The following KDM2B variants were observed in gnomAD, a reference collection of about 807,000 sequenced individuals.
KDM2B encodes the protein lysine demethylase 2B.
In KDM2B, 26 loss-of-function variants were observed where a neutral mutation model predicts 150.0. That is an observed-to-expected ratio of 0.17 (90% CI 0.13 to 0.24). The LOEUF (loss-of-function observed/expected upper bound fraction) is 0.24. KDM2B is among the 10% of genes least tolerant of loss of function. The pLI is 1.00. For missense variants in KDM2B, 1,265 were observed against 1,816.9 expected (o/e 0.70, Z 5.52); for synonymous variants, 734 against 729.5 (o/e 1.01, Z -0.10).
intron 4 of KDM2B, among the ~76,000 whole-genome samples, chr12:121,568,670 C>G (rs1319237197): frequency 1.3e-5 from 2 of 152,136 alleles, no homozygotes; most frequent in Non-Finnish European, 2.9e-5. Context: ...GTCAGGTTCA[C>G]TAGCAGTGGA....
chr12:121,580,900 C>T lies in KDM2B; in HGVS notation c.12G>A (p.Pro4=), dbSNP rs1891929254. MAG[P]QMGGSAEDHP... ...GATCCTCTGCAGATCCCCCCATTTG[C>T]GGACCCGCCATGTGGAGGAGGCATT... Residue 4 remains proline (P), a synonymous_variant, in exon 1 of 23, where the codon CCG becomes CCA. Coordinates refer to ENST00000377071, the MANE Select transcript of KDM2B (RefSeq NM_032590.5). 1 of 1,613,510 alleles carries T rather than the reference C, an allele frequency of 6.2e-7. No homozygotes were observed. Among genetic ancestry groups the T allele is most frequent in the East Asian group, 2.2e-5 (1 of 44,860 alleles).
intron 11 of KDM2B, among the ~76,000 whole-genome samples, chr12:121,498,531 A>T (rs1884202865): frequency 6.6e-6 from 1 of 152,240 alleles, no homozygotes; most frequent in Non-Finnish European, 1.5e-5. Flanking sequence ...CTAAAACTTT[A>T]AAAAACCCAC....
In KDM2B at chr12:121,537,974, T is replaced by G. The variant is rs1206549049; in HGVS notation, c.684-3384A>C. Among the ~76,000 whole-genome samples the G allele has an allele frequency of 6.6e-6, 1 of 150,500 alleles. No homozygotes were observed. The highest frequency in any genetic ancestry group is 2.4e-5 in the African/African-American group (1 of 41,230). ...TCGGCTCCCGGGCGTCCCCTTCGGC[T>G]GCGGAGGCTCGACGCGCGCCCGGCC... is the stretch of plus-strand genomic sequence containing the variant. On this transcript the variant is annotated intron_variant, in intron 6 of 22. Coordinates refer to ENST00000377071, the MANE Select transcript of KDM2B (RefSeq NM_032590.5). The surrounding 1 kb of genome is among the most constrained non-coding windows in gnomAD (Gnocchi z 8.7).
intron 22 of KDM2B, among the ~76,000 whole-genome samples, chr12:121,431,548 C>T (rs1316594290): frequency 2.6e-5 from 4 of 152,044 alleles, no homozygotes; most frequent in Non-Finnish European, 5.9e-5. Flanking sequence ...AAGGGCAAAC[C>T]GCAATCATGC....
intron 12 of KDM2B, among the ~76,000 whole-genome samples, chr12:121,489,468 C>G (rs2140247621): frequency 6.6e-6 from 1 of 152,026 alleles, no homozygotes; most frequent in South Asian, 2.1e-4. Context: ...GAGACCAAGA[C>G]TCACTCTGTC....
chr12:121,462,925 A>G (rs1178896202), intron 12 of KDM2B, among the ~76,000 whole-genome samples: 4 of 151,814 alleles, frequency 2.6e-5, no homozygotes, highest in Non-Finnish European at 1.5e-5. Context: ...AACACAGCAA[A>G]ATTGCATCTC....
chr12:121,527,007 T>C (rs370028656), intron 8 of KDM2B, among the ~76,000 whole-genome samples: 5 of 152,024 alleles, frequency 3.3e-5, no homozygotes, highest in African/African-American at 1.2e-4. Context: ...ACTCCAGCCT[T>C]GGCAACAAGA....
intron 11 of KDM2B, among the ~76,000 whole-genome samples, chr12:121,496,628 G>A (rs113538466): frequency 8.6e-5 from 13 of 151,566 alleles, no homozygotes; most frequent in African/African-American, 2.2e-4. Flanking sequence ...CTCAGTAGCC[G>A]GGACTACAAG....
chr12:121,443,151 C>T, intron 17 of KDM2B, 121 bp from the exon 18 acceptor site: 1 of 893,908 alleles, frequency 1.1e-6, no homozygotes, highest in Non-Finnish European at 1.8e-6. Context: ...GGAGGCCTTC[C>T]CCACAAATGC....
chr12:121,549,889 C>T lies in KDM2B; in HGVS notation c.398-251G>A, dbSNP rs1437882172. Reference sequence around the variant, plus strand: ...ACCTCAAAAGCTACCTAAAGGGGCCCAAGCAGCTGGGCATGGTGGCTTAAG... The same window carrying T: ...ACCTCAAAAGCTACCTAAAGGGGCCTAAGCAGCTGGGCATGGTGGCTTAAG... On this transcript the variant is annotated intron_variant, in intron 4 of 22. Coordinates refer to ENST00000377071, the MANE Select transcript of KDM2B (RefSeq NM_032590.5). The surrounding 1 kb of genome is among the most constrained non-coding windows in gnomAD (Gnocchi z 4.4). Among the ~76,000 whole-genome samples the T allele has an allele frequency of 3.9e-5, 6 of 152,204 alleles. No individual in the cohort carries two copies. The highest frequency in any genetic ancestry group is 8.8e-5 in the Non-Finnish European group (6 of 68,034).
Position 121,549,499 on chromosome 12 carries a change from G to A in KDM2B, c.537C>T (p.Ser179=), listed in dbSNP as rs782487742. Residue 179 remains serine, a synonymous_variant, in exon 5 of 23, where the codon AGC becomes AGT. Coordinates refer to ENST00000377071, the MANE Select transcript of KDM2B (RefSeq NM_032590.5). The surrounding 1 kb of genome is among the most constrained non-coding windows in gnomAD (Gnocchi z 4.4). ...TGACCAAGTGCTCCAGCTTGGTGTG[G>A]CTGAACTCTAGGCTGATGACGTTGT... is the stretch of plus-strand genomic sequence containing the variant. The part of the protein sequence containing the change: ...KLYNVISLEF[S]HTKLEHLVKR... 5.0e-6 allele frequency: 8 copies of A among 1,610,840 alleles called. No homozygotes were observed. The highest frequency in any genetic ancestry group is 6.8e-6 in the Non-Finnish European group (8 of 1,177,492).
chr12:121,527,388 C>T lies in KDM2B; in HGVS notation c.931+5418G>A, dbSNP rs550804649. 1.9e-4 allele frequency among the ~76,000 whole-genome samples: 26 copies of T among 138,582 alleles called. No individual in the cohort carries two copies. In the South Asian group the frequency reaches 5.0e-3, roughly 27 times the overall value. The allele number at this position is 138,582 out of a possible 152,430, so 90.9% of individuals were successfully genotyped here. On this transcript the variant is annotated intron_variant, in intron 8 of 22. Transcript: ENST00000377071. ...TAAAAAAAGGTGGGGAGGCCGGGCA[C>T]GGTGGCTCACACCTGTAATCCCAGC...
At chr12:121,535,736 T>C (rs1457541548) in intron 6 of KDM2B, among the ~76,000 whole-genome samples, 1 of 152,122 alleles carries the variant, frequency 6.6e-6, no homozygotes, top group Non-Finnish European at 1.5e-5. Context: ...CCCTTCTCAG[T>C]GCTATGGAGG....
intron 13 of KDM2B, among the ~76,000 whole-genome samples, chr12:121,451,829 T>C (rs1390435681): frequency 2.6e-5 from 4 of 152,022 alleles, no homozygotes; most frequent in Non-Finnish European, 5.9e-5. Flanking sequence ...GGAGAATCGC[T>C]TGAACCCAGG....
chr12:121,471,985 T>C (rs571510500), intron 12 of KDM2B, among the ~76,000 whole-genome samples: 7 of 152,144 alleles, frequency 4.6e-5, no homozygotes, highest in Admixed American at 2.6e-4. Context: ...TAGCCGGGCA[T>C]GGTGACGCGT....
chr12:121,580,180 A>C (rs781868185), intron 1 of KDM2B: 13 of 1,531,686 alleles, frequency 8.5e-6, no homozygotes, highest in Non-Finnish European at 1.7e-6. Context: ...CAGAGCCGAG[A>C]TCTACAAAGT....
In KDM2B at chr12:121,440,554, T is replaced by C. The variant is rs527766423; in HGVS notation, c.3610+262A>G. On this transcript the variant is annotated intron_variant, in intron 21 of 22. Coordinates refer to ENST00000377071, the MANE Select transcript of KDM2B (RefSeq NM_032590.5). ...CATGAGCGAGTCAATAAGAAAGCAG[T>C]GAGACACACGCAGAGCCCCATGAGC... 3 of 465,498 alleles carry C rather than the reference T, an allele frequency of 6.4e-6. No individual in the cohort carries two copies. The East Asian group carries it at 1.1e-4, about 17-fold the overall frequency. The allele number at this position is 465,498 out of a possible 1,614,324, so 28.8% of individuals were successfully genotyped here.
In KDM2B at chr12:121,453,321, C is replaced by T; in HGVS notation, c.1758G>A (p.Lys586=). 6.3e-7 allele frequency: 1 copy of T among 1,588,044 alleles called. No homozygotes were observed. Among genetic ancestry groups the T allele is most frequent in the South Asian group, 1.1e-5 (1 of 87,816 alleles). The stretch of plus-strand genomic sequence containing the variant: ...CCGCGGAGGCCGGGCCCAGCTTCCC[C>T]TTGGGCCGACCCACAGCCCGGTTCT... ...TPKNRAVGRP[K]GKLGPASAVK... is the part of the protein sequence containing the mutation. Residue 586 remains lysine, a synonymous_variant, in exon 13 of 23, where the codon AAG becomes AAA. Coordinates refer to ENST00000377071, the MANE Select transcript of KDM2B (RefSeq NM_032590.5). The surrounding 1 kb of genome is among the most constrained non-coding windows in gnomAD (Gnocchi z 6.4).
chr12:121,519,798 A>C (rs1886528912), intron 9 of KDM2B, among the ~76,000 whole-genome samples: 1 of 152,230 alleles, frequency 6.6e-6, no homozygotes, highest in East Asian at 1.9e-4. Context: ...CTCAATTTAA[A>C]AGAAAATGAA....
Sources: gnomAD v4.1 joint callset for allele counts (sites outside exome capture counted in the v4.1 genomes callset) on GRCh38, gnomAD v4.1.1 for gene constraint, Gnocchi (gnomAD v3.1) non-coding constraint, MANE v1.5 for transcripts, NCBI Gene and HGNC (gene_info 2026-07-23, HGNC 2026-07-21) for gene names.